Variants in SPECC1 observed in about 807,000 individuals in gnomAD.
SPECC1 encodes cytospin-B.
In SPECC1, 62 loss-of-function variants were observed where a neutral mutation model predicts 104.1. That is an observed-to-expected ratio of 0.60 (90% confidence interval 0.49 to 0.74). The LOEUF (loss-of-function observed/expected upper bound fraction) is 0.74, where lower values mean the gene tolerates loss of function less well. Among genes scored for constraint, SPECC1 ranks in the 30% least tolerant of loss-of-function variants. The pLI is 0.00. For missense variants in SPECC1, 1,306 were observed against 1,310.5 expected (o/e 1.00, Z 0.05); for synonymous variants, 513 against 501.6 (o/e 1.02, Z -0.30).
At chr17:20,156,549 C>T (rs1044122078) in intron 3 of SPECC1, among the ~76,000 whole-genome samples, 1 of 152,154 alleles carries the variant, frequency 6.6e-6, no homozygotes. Flanking sequence ...CTCCTGAGCG[C>T]GCAGGCCGCC....
intron 13 of SPECC1, among the ~76,000 whole-genome samples, chr17:20,299,311 T>C (rs1199213836): frequency 1.3e-5 from 2 of 151,986 alleles, no homozygotes; most frequent in African/African-American, 4.8e-5. Context: ...CCCAGCACTT[T>C]GGGCGGCTGA....
At chr17:20,312,376 A>G (rs1413937902) in intron 14 of SPECC1, among the ~76,000 whole-genome samples, 1 of 152,202 alleles carries the variant, frequency 6.6e-6, no homozygotes, top group Non-Finnish European at 1.5e-5. Flanking sequence ...ACAATGTACT[A>G]AATATTTTTA....
intron 1 of SPECC1, among the ~76,000 whole-genome samples, chr17:20,078,300 A>G (rs2046840478): frequency 6.6e-6 from 1 of 151,824 alleles, no homozygotes; most frequent in African/African-American, 2.4e-5. Flanking sequence ...CACATACCAC[A>G]AAGAGTACTA....
intron 3 of SPECC1, among the ~76,000 whole-genome samples, chr17:20,201,928 G>A (rs1490352590): frequency 1.3e-5 from 2 of 152,126 alleles, no homozygotes; most frequent in African/African-American, 2.4e-5. Flanking sequence ...GAACTGGGTA[G>A]TCTAGAAATA....
intron 4 of SPECC1, among the ~76,000 whole-genome samples, chr17:20,208,373 A>G (rs528733479): frequency 5.2e-5 from 8 of 152,386 alleles, no homozygotes; most frequent in East Asian, 3.9e-4. Context: ...GACTTGTAAC[A>G]TACTAATCTT....
chr17:20,296,690 A>G (rs1364102059), intron 12 of SPECC1, among the ~76,000 whole-genome samples: 3 of 151,966 alleles, frequency 2.0e-5, no homozygotes, highest in African/African-American at 7.3e-5. Flanking sequence ...GTCCTCTTTT[A>G]TTTCGTTGAG....
intron 3 of SPECC1, 26 bp downstream of exon 3, chr17:20,110,588 C>A: frequency 6.3e-7 from 1 of 1,597,412 alleles, no homozygotes; most frequent in Non-Finnish European, 8.5e-7. Flanking sequence ...CAGGTGGGCT[C>A]GGCAGGCCAT....
intron 12 of SPECC1, among the ~76,000 whole-genome samples, chr17:20,283,289 A>G (rs2040836670): frequency 1.3e-5 from 2 of 152,244 alleles, no homozygotes; most frequent in Non-Finnish European, 1.5e-5. Flanking sequence ...GACAAAAGGT[A>G]GCTTTCCGCT....
chr17:20,097,165 G>T (rs1421222048), intron 2 of SPECC1, among the ~76,000 whole-genome samples: 1 of 152,228 alleles, frequency 6.6e-6, no homozygotes, highest in Non-Finnish European at 1.5e-5. Context: ...CCTCTTACTG[G>T]ACCCCGCAGC....
chr17:20,062,310 G>A (rs1428281556), intron 1 of SPECC1, among the ~76,000 whole-genome samples: 1 of 151,474 alleles, frequency 6.6e-6, no homozygotes, highest in East Asian at 1.9e-4. Flanking sequence ...AACAGTCGTA[G>A]CATTAACCTT....
intron 12 of SPECC1, among the ~76,000 whole-genome samples, chr17:20,292,947 G>A (rs750473784): frequency 6.6e-6 from 1 of 152,184 alleles, no homozygotes; most frequent in Admixed American, 6.5e-5. Context: ...CCTGAAAGCC[G>A]GTGCTTTTGG....
intron 12 of SPECC1, chr17:20,290,344 C>CT (rs774007951): frequency 0.27 from 37,275 of 140,256 alleles, 6,141 homozygotes; most frequent in African/African-American, 0.49. Context: ...AAAAAAATAA[C>CT]TTTTTTTTTT....
chr17:20,013,691 C>T (rs764782700), intron 1 of SPECC1, among the ~76,000 whole-genome samples: 1 of 152,038 alleles, frequency 6.6e-6, no homozygotes, highest in Non-Finnish European at 1.5e-5. Flanking sequence ...TTAGTGGGGA[C>T]AGGTTTTAAC....
intron 2 of SPECC1, among the ~76,000 whole-genome samples, chr17:20,106,805 T>A (rs1279466500): frequency 2.0e-5 from 3 of 152,308 alleles, no homozygotes; most frequent in Non-Finnish European, 4.4e-5. Context: ...ATTAGCAGCA[T>A]GAGAACAGAC....
At chr17:20,296,834 T>A (rs535871888) in intron 12 of SPECC1, 127 bp from the exon 13 acceptor site, 1 of 800,190 alleles carries the variant, frequency 1.2e-6, no homozygotes, top group African/African-American at 1.7e-5. Flanking sequence ...GTTATTGGTG[T>A]ATAGGAATGC....
intron 1 of SPECC1, among the ~76,000 whole-genome samples, chr17:20,084,615 C>T (rs562638267): frequency 6.6e-6 from 1 of 152,184 alleles, no homozygotes; most frequent in South Asian, 2.1e-4. Context: ...TTGACAGTAT[C>T]CCATTAATCA....
chr17:20,048,501 C>A (rs913360497), intron 1 of SPECC1, among the ~76,000 whole-genome samples: 11 of 152,030 alleles, frequency 7.2e-5, no homozygotes, highest in African/African-American at 2.7e-4. Flanking sequence ...TCAGAAATAG[C>A]CTTTGTGTTT....
At chr17:20,017,236 G>T (rs2044174977) in intron 1 of SPECC1, 1 of 152,320 alleles carries the variant, frequency 6.6e-6, no homozygotes, top group Non-Finnish European at 1.5e-5. Context: ...CTTTGGGTCT[G>T]CACTGTCTAT....
At chr17:20,264,418 A>G (rs2040142528) in intron 12 of SPECC1, among the ~76,000 whole-genome samples, 1 of 128,382 alleles carries the variant, frequency 7.8e-6, no homozygotes, top group Admixed American at 8.1e-5. Flanking sequence ...AGTCCCCAGT[A>G]TCTATTGTTG....
Sources: allele counts gnomAD v4.1 joint callset (sites outside exome capture counted in the v4.1 genomes callset), GRCh38; gene constraint gnomAD v4.1.1; transcripts MANE v1.5; gene names NCBI Gene and HGNC (gene_info 2026-07-23, HGNC 2026-07-21).